The following ERBB4 variants were observed in gnomAD, a reference collection of about 807,000 sequenced individuals.
ERBB4 encodes receptor tyrosine-protein kinase erbB-4.
Under a neutral mutation model 158.0 loss-of-function variants are expected in ERBB4, and 42 were observed. The observed-to-expected ratio is 0.27, with a 90% CI of 0.21 to 0.34. ERBB4 has a LOEUF of 0.34. ERBB4 is among the 10% of genes least tolerant of loss of function. The probability of loss-of-function intolerance (pLI) is 1.00; values close to 1 mark genes in which losing one functional copy is unlikely to be tolerated. For missense variants in ERBB4, 1,333 were observed against 1,624.1 expected (o/e 0.82, Z 3.08); for synonymous variants, 583 against 558.7 (o/e 1.04, Z -0.61).
At chr2:212,450,950 A>G (rs759740188) in intron 1 of ERBB4, among the ~76,000 whole-genome samples, 7 of 152,072 alleles carry the variant, frequency 4.6e-5, no homozygotes, top group Non-Finnish European at 1.0e-4. Context: ...ACACAGCAAG[A>G]TCCTACCTTT....
At chr2:212,378,090 T>C (rs73060353) in intron 1 of ERBB4, among the ~76,000 whole-genome samples, 7,529 of 151,898 alleles carry the variant, frequency 0.05, 627 homozygotes, top group African/African-American at 0.17. Flanking sequence ...TCACGGGTAA[T>C]AGCACGCATG....
chr2:211,413,085 C>T (rs927294871), intron 25 of ERBB4, among the ~76,000 whole-genome samples: 4 of 151,752 alleles, frequency 2.6e-5, no homozygotes, highest in Non-Finnish European at 5.9e-5. Context: ...TGCTTGAGGC[C>T]AGGAGTTTGA....
intron 20 of ERBB4, among the ~76,000 whole-genome samples, chr2:211,511,438 T>C (rs187201451): frequency 6.6e-6 from 1 of 152,078 alleles, no homozygotes; most frequent in African/African-American, 2.4e-5. Context: ...TTCTAAGAAG[T>C]AACACAAAAA....
intron 1 of ERBB4, among the ~76,000 whole-genome samples, chr2:212,349,111 A>G (rs567113539): frequency 2.0e-5 from 3 of 152,248 alleles, no homozygotes; most frequent in African/African-American, 7.2e-5. Context: ...TCATGAGGTG[A>G]TATGTCACAA....
chr2:212,330,919 G>A (rs552298013), intron 1 of ERBB4, among the ~76,000 whole-genome samples: 2 of 150,952 alleles, frequency 1.3e-5, no homozygotes, highest in East Asian at 2.0e-4. Flanking sequence ...GCTCAGTGAG[G>A]TTTATTAATT....
At chr2:212,324,361 C>T (rs552937830) in intron 1 of ERBB4, among the ~76,000 whole-genome samples, 36 of 150,712 alleles carry the variant, frequency 2.4e-4, no homozygotes, top group African/African-American at 4.8e-4. Context: ...AATAGTCTGT[C>T]GGCCTCTCAC....
At chr2:211,994,408 C>A (rs2082149199) in intron 2 of ERBB4, among the ~76,000 whole-genome samples, 1 of 152,216 alleles carries the variant, frequency 6.6e-6, no homozygotes, top group South Asian at 2.1e-4. Flanking sequence ...ATTAGGATCA[C>A]AGGCATGAAC....
At chr2:212,535,780 C>T (rs1005832229) in intron 1 of ERBB4, among the ~76,000 whole-genome samples, 1 of 152,046 alleles carries the variant, frequency 6.6e-6, no homozygotes, top group African/African-American at 2.4e-5. Flanking sequence ...CTCTCTAATG[C>T]TGAATTTTTT....
At chr2:212,302,298 G>T (rs1428531227) in intron 1 of ERBB4, among the ~76,000 whole-genome samples, 2 of 151,200 alleles carry the variant, frequency 1.3e-5, no homozygotes, top group African/African-American at 4.9e-5. Context: ...TATTAGATAT[G>T]TGCTGATAAG....
intron 1 of ERBB4, among the ~76,000 whole-genome samples, chr2:212,230,367 A>C (rs1405790186): frequency 6.6e-6 from 1 of 152,176 alleles, no homozygotes; most frequent in Non-Finnish European, 1.5e-5. Flanking sequence ...TCCATAATAA[A>C]ATATGCTACT....
At chr2:212,458,633 A>G (rs879145127) in intron 1 of ERBB4, among the ~76,000 whole-genome samples, 4 of 152,092 alleles carry the variant, frequency 2.6e-5, no homozygotes, top group African/African-American at 9.7e-5. Context: ...ACTGAAAAAA[A>G]AAAAATCATT....
At chr2:212,006,278 T>G (rs776977640) in intron 2 of ERBB4, among the ~76,000 whole-genome samples, 1 of 152,112 alleles carries the variant, frequency 6.6e-6, no homozygotes, top group African/African-American at 2.4e-5. Flanking sequence ...TTTCAGTGTA[T>G]AAAAACAAAT....
At chr2:212,117,383 A>G (rs997025279) in intron 2 of ERBB4, among the ~76,000 whole-genome samples, 31 of 152,202 alleles carry the variant, frequency 2.0e-4, no homozygotes, top group Non-Finnish European at 1.6e-4. Context: ...CTTGAATCTA[A>G]TGATGGCGAA....
At chr2:211,824,351 C>T (rs979606949) in intron 3 of ERBB4, among the ~76,000 whole-genome samples, 23 of 152,026 alleles carry the variant, frequency 1.5e-4, no homozygotes, top group Non-Finnish European at 2.9e-4. Flanking sequence ...TCATCGCTAA[C>T]GTATGCAGTT....
At chr2:212,099,184 T>TA (rs762839924) in intron 2 of ERBB4, among the ~76,000 whole-genome samples, 69 of 131,744 alleles carry the variant, frequency 5.2e-4, no homozygotes, top group Middle Eastern at 3.9e-3. Context: ...AATAAATAAA[T>TA]AATAAATAAT....
At chr2:212,056,691 G>A (rs988041862) in intron 2 of ERBB4, among the ~76,000 whole-genome samples, 6 of 152,148 alleles carry the variant, frequency 3.9e-5, no homozygotes, top group South Asian at 2.1e-4. Context: ...CTTCCTAAGT[G>A]AAGGAGAAAT....
At chr2:212,371,866 G>C (rs1468638044) in intron 1 of ERBB4, among the ~76,000 whole-genome samples, 1 of 152,124 alleles carries the variant, frequency 6.6e-6, no homozygotes, top group Non-Finnish European at 1.5e-5. Flanking sequence ...GTGATGAAGA[G>C]TTACATAGGC....
intron 1 of ERBB4, among the ~76,000 whole-genome samples, chr2:212,381,809 GAATTGT>G (rs1256496097): frequency 6.6e-6 from 1 of 151,222 alleles, no homozygotes; most frequent in Non-Finnish European, 1.5e-5. Flanking sequence ...TCAAAGCTCA[GAATTGT>G]AATTATTTTT....
intron 4 of ERBB4, among the ~76,000 whole-genome samples, chr2:211,771,377 A>G (rs1487790125): frequency 2.0e-5 from 3 of 152,228 alleles, no homozygotes; most frequent in Non-Finnish European, 2.9e-5. Flanking sequence ...ATCTAAACAT[A>G]GTTGAAGGTG....
Sources: allele counts gnomAD v4.1 joint callset (sites outside exome capture counted in the v4.1 genomes callset), GRCh38; gene constraint gnomAD v4.1.1; transcripts MANE v1.5; gene names NCBI Gene and HGNC (gene_info 2026-07-23, HGNC 2026-07-21).